The following SFXN3 variants were observed in gnomAD, a reference collection of about 807,000 sequenced individuals.
SFXN3 encodes sideroflexin-3.
SFXN3 carries 31 observed loss-of-function variants against 40.4 expected under a neutral mutation model. The observed-to-expected ratio is 0.77, with a 90% CI of 0.58 to 1.04. SFXN3 has a LOEUF of 1.04. Ranked by LOEUF, SFXN3 falls within the 50% of genes least tolerant of loss-of-function variation. SFXN3 has a pLI of 0.00. For synonymous variants in SFXN3, 157 were observed against 160.0 expected (o/e 0.98, Z 0.14); for missense variants, 366 against 408.2 (o/e 0.90, Z 0.89).
At chr10:101,033,858 T>C (rs1938450321) in intron 2 of SFXN3, among the ~76,000 whole-genome samples, 1 of 152,116 alleles carries the variant, frequency 6.6e-6, no homozygotes, top group Non-Finnish European at 1.5e-5. Flanking sequence ...TAGATGTGCA[T>C]GTAAGCCAGA....
chr10:101,035,544 C>T, exon 4 of SFXN3: 1 of 1,613,200 alleles, frequency 6.2e-7, no homozygotes, highest in Non-Finnish European at 8.5e-7. Context: ...CTGTGGAGGG[C>T]CAAGTATGTG....
Position 101,039,577 on chromosome 10 carries a change from G to C in SFXN3, c.958G>C (p.Gly320Arg). The change falls in exon 12 of 12, where the codon GGG becomes CGG. Residue 320 changes from glycine (G) to arginine (R), a missense_variant. Physicochemically the swap from Gly to Arg is moderately radical, Grantham distance 125. Coordinates refer to ENST00000393459, the Ensembl canonical transcript of SFXN3. This position sits in a 1 kb window ranked among gnomAD's most constrained non-coding sequence, Gnocchi z 4.6. Reference sequence around the variant, plus strand: ...CGTTGAAGTGGTCTACTACAACAAGGGGCTTTGAGGAGGGTCAGCCTCTGT... The same window carrying C: ...CGTTGAAGTGGTCTACTACAACAAGCGGCTTTGAGGAGGGTCAGCCTCTGT... 2 of 1,614,088 alleles carry C rather than the reference G, an allele frequency of 1.2e-6. No homozygotes were observed. Among genetic ancestry groups the C allele is most frequent in the Non-Finnish European group, 1.7e-6 (2 of 1,179,950 alleles).
chr10:101,037,003 A>C (rs926266919), intron 7 of SFXN3, 73 bp from the exon 8 acceptor site: 1 of 1,588,158 alleles, frequency 6.3e-7, no homozygotes, highest in Non-Finnish European at 8.6e-7. Flanking sequence ...GACCCTGAGG[A>C]GCCGCTGCTC....
At chr10:101,032,581 G>C in intron 2 of SFXN3, 99 bp downstream of exon 2, 1 of 1,345,590 alleles carries the variant, frequency 7.4e-7, no homozygotes, top group South Asian at 1.6e-5. Context: ...CAATGTCCTC[G>C]GCTCTGTGGA....
rs763647693 is a variant in SFXN3, at chr10:101,032,457, G to T, written c.-29G>T. 2 of 1,545,408 alleles carry T rather than the reference G, an allele frequency of 1.3e-6. No homozygotes were observed. Among genetic ancestry groups the T allele is most frequent in the African/African-American group, 2.8e-5 (2 of 71,710 alleles). On this transcript the variant is annotated 5_prime_UTR_variant, in exon 2 of 12. The change abolishes the stop of an existing upstream ORF in the 5' untranslated region. Transcript: ENST00000393459. ...CGGAGGCAGAGAGGAAGGCGGTTCT[G>T]AGAGCTTCAGAGAGCGATGGAAAGC...
intron 4 of SFXN3, 32 bp from the exon 5 acceptor site, chr10:101,035,971 C>T (rs775912370): frequency 4.4e-5 from 69 of 1,574,016 alleles, no homozygotes; most frequent in African/African-American, 4.2e-4. Context: ...CCACTGTAGA[C>T]GGGGCAGAAG....
chr10:101,034,441 TAAC>T (rs1370554412), intron 2 of SFXN3, among the ~76,000 whole-genome samples: 9 of 152,340 alleles, frequency 5.9e-5, no homozygotes, highest in African/African-American at 1.7e-4. Context: ...AGCTACAAAT[TAAC>T]AACATCTCAG....
Position 101,036,771 on chromosome 10 carries a change from G to T in SFXN3, c.556G>T (p.Ala186Ser). The stretch of plus-strand genomic sequence containing the variant: ...ATTTGTGCCCTTTGCAGCAGTGGCA[G>T]CTGCCAACTGCATCAACATCCCCCT... The change falls in exon 7 of 12, where the codon GCT becomes TCT. Residue 186 changes from alanine (A) to serine (S), a missense_variant. Transcript: ENST00000393459. This position sits in a 1 kb window ranked among gnomAD's most constrained non-coding sequence, Gnocchi z 4.2. 6.2e-7 allele frequency: 1 copy of T among 1,613,864 alleles called. No individual in the cohort carries two copies. The highest frequency in any genetic ancestry group is 8.5e-7 in the Non-Finnish European group (1 of 1,179,748).
Position 101,039,688 on chromosome 10 carries a change from C to A in SFXN3, c.*103C>A. ...CTATCTGCCTAGCACTGGGCAGGGG[C>A]CTTGGTGGGCAGATGGCAATTGAGG... On this transcript the variant is annotated 3_prime_UTR_variant, in exon 12 of 12. Coordinates refer to ENST00000393459, the Ensembl canonical transcript of SFXN3. The surrounding 1 kb of genome is among the most constrained non-coding windows in gnomAD (Gnocchi z 4.6). 1 of 1,141,754 alleles carries A rather than the reference C, an allele frequency of 8.8e-7. No homozygotes were observed. Among genetic ancestry groups the A allele is most frequent in the Non-Finnish European group, 1.3e-6 (1 of 762,764 alleles). 70.7% of individuals were successfully genotyped at this position (1,141,754 alleles called of 1,614,324 possible). A position where few individuals can be genotyped will look rare whatever the true frequency, so the allele number is the denominator to read the frequency against.
At chr10:101,037,455 C>T in intron 9 of SFXN3, 24 bp downstream of exon 9, 1 of 1,614,200 alleles carries the variant, frequency 6.2e-7, no homozygotes, top group Non-Finnish European at 8.5e-7. Context: ...CCTCTCTTGT[C>T]CTGGAATGGG....
At chr10:101,033,832 G>A (rs1938448870) in intron 2 of SFXN3, among the ~76,000 whole-genome samples, 1 of 152,126 alleles carries the variant, frequency 6.6e-6, no homozygotes, top group Admixed American at 6.6e-5. Context: ...TTAGGTTCAA[G>A]GGAAGGTACT....
chr10:101,038,373 A>G (rs1938721004), intron 9 of SFXN3: 1 of 1,374,648 alleles, frequency 7.3e-7, no homozygotes, highest in Non-Finnish European at 9.4e-7. Context: ...TGAGGGAAGA[A>G]AAAAAAGGGC....
chr10:101,039,698 C>T lies in SFXN3; in HGVS notation c.*113C>T. The stretch of plus-strand genomic sequence containing the variant: ...AGCACTGGGCAGGGGCCTTGGTGGG[C>T]AGATGGCAATTGAGGGTAGCAACCT... On this transcript the variant is annotated 3_prime_UTR_variant, in exon 12 of 12. Coordinates refer to ENST00000393459, the Ensembl canonical transcript of SFXN3. This position sits in a 1 kb window ranked among gnomAD's most constrained non-coding sequence, Gnocchi z 4.6. 1 of 1,032,138 alleles carries T rather than the reference C, an allele frequency of 9.7e-7. No homozygotes were observed. Among genetic ancestry groups the T allele is most frequent in the Non-Finnish European group, 1.5e-6 (1 of 669,614 alleles). The allele number at this position is 1,032,138 out of a possible 1,614,324, so 63.9% of individuals were successfully genotyped here. A position where few individuals can be genotyped will look rare whatever the true frequency, so the allele number is the denominator to read the frequency against.
intron 9 of SFXN3, 59 bp downstream of exon 9, chr10:101,037,490 C>A: frequency 6.2e-7 from 1 of 1,613,742 alleles, no homozygotes; most frequent in East Asian, 2.2e-5. Context: ...AGTGACCAGG[C>A]CCCAACTCTC....
At chr10:101,032,472 C>T (rs1271590709) in exon 2 of SFXN3, 4 of 1,548,476 alleles carry the variant, frequency 2.6e-6, no homozygotes, top group Non-Finnish European at 2.6e-6. Context: ...CTTCAGAGAG[C>T]GATGGAAAGC....
rs1590087015 is a variant in SFXN3 at position 101,034,602 on chromosome 10, A to G, written c.-3-90A>G. 9.9e-6 allele frequency: 14 copies of G among 1,413,974 alleles called. No individual in the cohort carries two copies. The East Asian group carries it at 2.5e-4, about 25-fold the overall frequency. 87.6% of individuals were successfully genotyped at this position (1,413,974 alleles called of 1,614,324 possible). On this transcript the variant is annotated intron_variant, in intron 2 of 11. Coordinates refer to ENST00000393459, the Ensembl canonical transcript of SFXN3. ...TCTTGAAGGGACTGATGATAAGCTC[A>G]GGGGCCAGGGCAGGGGCACCAAAGA...
Position 101,039,255 on chromosome 10 carries a change from C to CAGA in SFXN3, c.869+33_869+34insAGA. 6.4e-7 allele frequency: 1 copy of CAGA among 1,572,570 alleles called. No homozygotes were observed. The highest frequency in any genetic ancestry group is 8.7e-7 in the Non-Finnish European group (1 of 1,154,686). ...CTGTCCCTGGGCTGGGTGGGGGACT[C>CAGA]TGGATTGGACTCTGCATCTCTGGAC... On this transcript the variant is annotated intron_variant, in intron 11 of 11. Transcript: ENST00000393459. The surrounding 1 kb of genome is among the most constrained non-coding windows in gnomAD (Gnocchi z 4.6).
intron 9 of SFXN3, 194 bp downstream of exon 9, chr10:101,037,625 G>A (rs1188998925): frequency 6.9e-6 from 10 of 1,456,032 alleles, no homozygotes; most frequent in Non-Finnish European, 9.0e-6. Flanking sequence ...TGCAGGGGCA[G>A]GAGGAGAGGA....
chr10:101,031,434 C>T (rs1391443561), exon 1 of SFXN3: 1 of 152,488 alleles, frequency 6.6e-6, no homozygotes, highest in Admixed American at 6.5e-5. Flanking sequence ...GGAATTGCCA[C>T]CCCTCCCTGG....
Sources: gnomAD v4.1 joint callset for allele counts (sites outside exome capture counted in the v4.1 genomes callset) on GRCh38, gnomAD v4.1.1 for gene constraint, Gnocchi (gnomAD v3.1) non-coding constraint, MANE v1.5 for transcripts, NCBI Gene and HGNC (gene_info 2026-07-23, HGNC 2026-07-21) for gene names.